MDM4: variants seen among roughly 807,000 people sequenced by gnomAD.
The protein encoded by MDM4 is MDM4 regulator of p53.
MDM4 carries 2 observed loss-of-function variants against 60.2 expected under a neutral mutation model. The ratio of observed to expected loss-of-function variants is 0.03; its 90% CI spans 0.01 to 0.10. MDM4 has a LOEUF of 0.10. MDM4 is among the 10% of genes least tolerant of loss of function. The pLI is 1.00. For missense variants in MDM4, 447 were observed against 577.5 expected (o/e 0.77, Z 2.32); for synonymous variants, 202 against 198.1 (o/e 1.02, Z -0.17).
chr1:204,538,648 G>A (rs1239883003), intron 7 of MDM4, among the ~76,000 whole-genome samples: 2 of 150,862 alleles, frequency 1.3e-5, no homozygotes, highest in African/African-American at 4.9e-5. Flanking sequence ...GTATGTATAT[G>A]ATTTGGTTAG....
At chr1:204,545,258 TA>T (rs1260671099) in intron 9 of MDM4, among the ~76,000 whole-genome samples, 1 of 152,168 alleles carries the variant, frequency 6.6e-6, no homozygotes, top group Admixed American at 6.5e-5. Flanking sequence ...ATGTTGTACC[TA>T]AATGGAAAGA....
At chr1:204,533,164 G>A (rs115379921) in intron 5 of MDM4, among the ~76,000 whole-genome samples, 9 of 152,258 alleles carry the variant, frequency 5.9e-5, no homozygotes, top group African/African-American at 2.2e-4. Flanking sequence ...TAACTATTAG[G>A]TATGTATAGG....
At position 204,550,460 on chromosome 1, in the gene MDM4, T is replaced by G. The variant is rs1663098710; in HGVS notation, c.*778T>G. The stretch of plus-strand genomic sequence containing the variant: ...GATTATAGTCATGAGGCACCTAGTC[T>G]GGCCCTTTTGCAAGACTTTAATCTG... On this transcript the variant is annotated 3_prime_UTR_variant, in exon 11 of 11. Transcript: ENST00000367182. 1 of 203,262 alleles carries G rather than the reference T, an allele frequency of 4.9e-6. No individual in the cohort carries two copies. The highest frequency in any genetic ancestry group is 1.0e-5 in the Non-Finnish European group (1 of 99,214). The allele number at this position is 203,262 out of a possible 1,614,324, so 12.6% of individuals were successfully genotyped here.
chr1:204,530,882 G>C (rs756169619), intron 4 of MDM4, 65 bp downstream of exon 4: 28 of 1,596,050 alleles, frequency 1.8e-5, no homozygotes, highest in Middle Eastern at 3.3e-4. Flanking sequence ...ATTTCTATGG[G>C]TTATTAATAT....
At chr1:204,541,188 G>T (rs1662034011) in intron 7 of MDM4, among the ~76,000 whole-genome samples, 1 of 152,166 alleles carries the variant, frequency 6.6e-6, no homozygotes, top group Admixed American at 6.5e-5. Flanking sequence ...GCTGGGCATG[G>T]TAGCTCGTGC....
At chr1:204,535,596 C>G (rs1002544738) in intron 5 of MDM4, among the ~76,000 whole-genome samples, 1 of 151,732 alleles carries the variant, frequency 6.6e-6, no homozygotes, top group Non-Finnish European at 1.5e-5. Flanking sequence ...TGCAGTGGTG[C>G]GATCTCGGCT....
At position 204,532,272 on chromosome 1, in the gene MDM4, C is replaced by T. The variant is rs4252698; in HGVS notation, c.343+26C>T. 1,172 of 1,473,586 alleles carry T rather than the reference C, an allele frequency of 8.0e-4. 15 individuals carry two copies. The African/African-American group carries it at 0.015, about 19-fold the overall frequency. The allele number at this position is 1,473,586 out of a possible 1,614,324, so 91.3% of individuals were successfully genotyped here. ...GTATGTCACATCATATTTCTTCAGT[C>T]TGTATCACAGCTTTGAGTTCAAGGG... On this transcript the variant is annotated intron_variant, in intron 5 of 10. Coordinates refer to ENST00000367182, the MANE Select transcript of MDM4 (RefSeq NM_002393.5).
At chr1:204,537,287 A>T (rs1661521126) in intron 5 of MDM4, 143 bp from the exon 6 acceptor site, 6 of 579,404 alleles carry the variant, frequency 1.0e-5, no homozygotes, top group Non-Finnish European at 1.8e-5. Flanking sequence ...TCCCTTGCAA[A>T]TGAGAGCTTT....
chr1:204,540,330 T>A (rs1661926649), intron 7 of MDM4, among the ~76,000 whole-genome samples: 2 of 151,848 alleles, frequency 1.3e-5, no homozygotes, highest in Admixed American at 1.3e-4. Flanking sequence ...CCAGGATATC[T>A]CATTATGTAT....
intron 6 of MDM4, 36 bp downstream of exon 6, chr1:204,537,533 A>G (rs1661544582): frequency 6.8e-7 from 1 of 1,479,058 alleles, no homozygotes; most frequent in South Asian, 1.1e-5. Context: ...TTTGTTGTAC[A>G]GAGTGGCCCC....
At chr1:204,518,427 C>T (rs1281956563) in intron 1 of MDM4, among the ~76,000 whole-genome samples, 4 of 152,236 alleles carry the variant, frequency 2.6e-5, no homozygotes, top group African/African-American at 9.6e-5. Flanking sequence ...TCCTGTAGAA[C>T]ACCTACGTTC....
chr1:204,530,677 C>T lies in MDM4; in HGVS notation c.154-7C>T. The stretch of plus-strand genomic sequence containing the variant: ...CAGATCACAACATGGTATTTTATTC[C>T]ATGCAGGTCATGCACTATTTAGGTC... On this transcript the variant is annotated splice_region_variant and splice_polypyrimidine_tract_variant and intron_variant, in intron 3 of 10. Coordinates refer to ENST00000367182, the MANE Select transcript of MDM4 (RefSeq NM_002393.5). 1 of 1,613,988 alleles carries T rather than the reference C, an allele frequency of 6.2e-7. No homozygotes were observed. The highest frequency in any genetic ancestry group is 8.5e-7 in the Non-Finnish European group (1 of 1,179,936).
In MDM4 at chr1:204,556,433, C is replaced by T; in HGVS notation, c.*6751C>T. 1 of 227,224 alleles carries T rather than the reference C, an allele frequency of 4.4e-6. No homozygotes were observed. The highest frequency in any genetic ancestry group is 8.7e-6 in the Non-Finnish European group (1 of 114,370). 14.1% of individuals were successfully genotyped at this position (227,224 alleles called of 1,614,324 possible). A position where few individuals can be genotyped will look rare whatever the true frequency, so the allele number is the denominator to read the frequency against. ...TGAGGTCAGGCCAGGCGCGGTGGTT[C>T]ACTCCTGTTATTCCAGCACTGGGGT... On this transcript the variant is annotated 3_prime_UTR_variant, in exon 11 of 11. Transcript: ENST00000367182.
In MDM4 at chr1:204,529,430, G is replaced by T. The variant is rs1406376998; in HGVS notation, c.154-1254G>T. The T allele has an allele frequency of 8.2e-6, 12 of 1,462,084 alleles. No individual in the cohort carries two copies. In the Admixed American group the frequency reaches 1.7e-4, roughly 21 times the overall value. The allele number at this position is 1,462,084 out of a possible 1,614,324, so 90.6% of individuals were successfully genotyped here. On this transcript the variant is annotated intron_variant, in intron 3 of 10. Coordinates refer to ENST00000367182, the MANE Select transcript of MDM4 (RefSeq NM_002393.5). The stretch of plus-strand genomic sequence containing the variant: ...AATTTGGAGGTGGCTGACCATAGGG[G>T]CCCCCTGGAGCTGTACCATCATTTG...
chr1:204,528,504 G>C (rs1466798913), intron 3 of MDM4, among the ~76,000 whole-genome samples: 1 of 152,224 alleles, frequency 6.6e-6, no homozygotes, highest in African/African-American at 2.4e-5. Context: ...ACTGGCATCA[G>C]GGTGGAGCTC....
At chr1:204,524,624 A>G (rs551875203) in intron 1 of MDM4, among the ~76,000 whole-genome samples, 5 of 152,308 alleles carry the variant, frequency 3.3e-5, no homozygotes, top group East Asian at 1.9e-4. Context: ...TAAAAATACA[A>G]TAATGAGCTG....
chr1:204,535,317 C>T (rs1661290025), intron 5 of MDM4, among the ~76,000 whole-genome samples: 4 of 151,794 alleles, frequency 2.6e-5, no homozygotes, highest in Admixed American at 2.6e-4. Context: ...GCCATCATGC[C>T]TGGCTAATTT....
intron 1 of MDM4, among the ~76,000 whole-genome samples, chr1:204,517,075 T>C (rs764467658): frequency 1.3e-5 from 2 of 152,094 alleles, no homozygotes; most frequent in African/African-American, 2.4e-5. Flanking sequence ...ACCCCGTCTC[T>C]AGTAAAAATA....
chr1:204,525,402 T>A, intron 1 of MDM4, 82 bp from the exon 2 acceptor site: 2 of 1,460,140 alleles, frequency 1.4e-6, no homozygotes, highest in Admixed American at 5.5e-5. Flanking sequence ...GTCTTTTACT[T>A]CTGCTGGTTG....
Sources: allele counts gnomAD v4.1 joint callset (sites outside exome capture counted in the v4.1 genomes callset), GRCh38; gene constraint gnomAD v4.1.1; transcripts MANE v1.5; gene names NCBI Gene and HGNC (gene_info 2026-07-23, HGNC 2026-07-21).